PLAT: variants seen among roughly 807,000 people sequenced by gnomAD.
PLAT encodes plasminogen activator, tissue type, also known as tissue-type plasminogen activator.
A neutral mutation model predicts 74.9 loss-of-function variants in PLAT; 48 were observed. That is an observed-to-expected ratio of 0.64 (90% CI 0.51 to 0.82). The LOEUF (loss-of-function observed/expected upper bound fraction) is 0.82, where lower values mean the gene tolerates loss of function less well. PLAT is among the 40% of genes least tolerant of loss of function. The pLI, the probability that PLAT is intolerant of heterozygous loss-of-function variation, is 0.00. For missense variants in PLAT, 673 were observed against 736.2 expected, an observed-to-expected ratio of 0.91 and a Z score of 0.99; for synonymous variants, 307 against 294.4, an observed-to-expected ratio of 1.04 and a Z score of -0.44.
In PLAT at chr8:42,182,706, CT is replaced by C. The variant is rs1178121607; in HGVS notation, c.803+12del. ...CTGCCAAGACCTGAACCCCCCACCC[CT>C]GTGCTACCTACCGGCAGTAATTATG... On this transcript the variant is annotated intron_variant, in intron 8 of 13. Transcript: ENST00000220809. 1 of 1,593,596 alleles carries C rather than the reference CT, an allele frequency of 6.3e-7. No homozygotes were observed. The highest frequency in any genetic ancestry group is 8.6e-7 in the Non-Finnish European group (1 of 1,169,584).
chr8:42,175,511 A>G lies in PLAT; in HGVS notation c.*482T>C, dbSNP rs8178807. 1,565 of 154,078 alleles carry G rather than the reference A, an allele frequency of 0.01. 27 individuals are homozygous for G. Among genetic ancestry groups the G allele is most frequent in the African/African-American group, 0.036 (1,502 of 41,594 alleles). 9.5% of individuals were successfully genotyped at this position (154,078 alleles called of 1,614,324 possible). A position where few individuals can be genotyped will look rare whatever the true frequency, so the allele number is the denominator to read the frequency against. On this transcript the variant is annotated 3_prime_UTR_variant, in exon 14 of 14. Transcript: ENST00000220809. ...GTGCTTTTGAGGAACATGACGGGCC[A>G]GCCAGCCTGCCCCAACTTTGAGGCC...
intron 9 of PLAT, 152 bp from the exon 10 acceptor site, chr8:42,180,837 C>G: frequency 1.7e-6 from 1 of 602,136 alleles, no homozygotes; most frequent in South Asian, 2.3e-5. Context: ...CTCTTTAGTT[C>G]CCACAGCGAT....
intron 1 of PLAT, among the ~76,000 whole-genome samples, chr8:42,201,329 G>A (rs1267183157): frequency 6.6e-6 from 1 of 152,196 alleles, no homozygotes; most frequent in African/African-American, 2.4e-5. Flanking sequence ...TAAGGTAACT[G>A]GAAAAGAAGC....
At position 42,187,240 on chromosome 8, in the gene PLAT, T is replaced by C. The variant is rs542545856; in HGVS notation, c.539+158A>G. 14 of 554,002 alleles carry C rather than the reference T, an allele frequency of 2.5e-5. No homozygotes were observed. The East Asian group carries it at 3.7e-4, about 15-fold the overall frequency. 34.3% of individuals were successfully genotyped at this position (554,002 alleles called of 1,614,324 possible). A position where few individuals can be genotyped will look rare whatever the true frequency, so the allele number is the denominator to read the frequency against. On this transcript the variant is annotated intron_variant, in intron 6 of 13. Coordinates refer to ENST00000220809, the MANE Select transcript of PLAT (RefSeq NM_000930.5). ...TCATCTATCATCTATCAATCTATCA[T>C]CTATCACCTATCATCTATTATCTGT...
intron 7 of PLAT, 24 bp downstream of exon 7, chr8:42,185,057 A>G (rs1563256354): frequency 2.0e-6 from 3 of 1,519,198 alleles, no homozygotes; most frequent in Non-Finnish European, 9.0e-7. Context: ...ACATTCAGGG[A>G]AAGGCGGGGT....
intron 1 of PLAT, among the ~76,000 whole-genome samples, chr8:42,204,713 T>TAAA (rs76761892): frequency 4.9e-5 from 6 of 122,160 alleles, no homozygotes; most frequent in African/African-American, 1.2e-4. Context: ...GACTCCATCT[T>TAAA]AAAAAAAAAA....
chr8:42,188,369 A>C, intron 4 of PLAT: 1 of 207,610 alleles, frequency 4.8e-6, no homozygotes. Context: ...GCAAACCATG[A>C]AGTGTGTACT....
intron 2 of PLAT, among the ~76,000 whole-genome samples, chr8:42,191,899 C>T (rs989030166): frequency 5.3e-5 from 8 of 151,630 alleles, no homozygotes; most frequent in Non-Finnish European, 2.9e-5. Flanking sequence ...TATTGCTAGG[C>T]ATTTTCAGAG....
At chr8:42,190,166 T>C (rs1305392074) in intron 3 of PLAT, among the ~76,000 whole-genome samples, 1 of 152,172 alleles carries the variant, frequency 6.6e-6, no homozygotes, top group Non-Finnish European at 1.5e-5. Context: ...ACTCCTGGGC[T>C]AAAGCCATCC....
rs566707007 is a variant in PLAT at position 42,195,109 on chromosome 8, A to ACCCTCC, written c.-26-1904_-26-1899dup. Among the ~76,000 whole-genome samples, 454 of 130,894 alleles carry ACCCTCC rather than the reference A, an allele frequency of 3.5e-3. 8 individuals carry two copies. Among genetic ancestry groups the ACCCTCC allele is most frequent in the Non-Finnish European group, 8.9e-4 (54 of 60,782 alleles). 85.9% of individuals were successfully genotyped at this position (130,894 alleles called of 152,430 possible). A position where few individuals can be genotyped will look rare whatever the true frequency, so the allele number is the denominator to read the frequency against. ...TTCGGTCACAACAACTTCAGGTCCCACCCTCCCCCTCCCCCTCCCCCGAGC... is the reference window on the plus strand; with the variant it reads ...TTCGGTCACAACAACTTCAGGTCCCACCCTCCCCCTCCCCCTCCCCCTCCCCCGAGC... On this transcript the variant is annotated intron_variant, in intron 1 of 13. Coordinates refer to ENST00000220809, the MANE Select transcript of PLAT (RefSeq NM_000930.5).
rs763934243 is a variant in PLAT, at chr8:42,179,083, A to G, written c.1364-20T>C. ...GAGACACTGAAAGGGGAGAACCATC[A>G]TATGGTTTTAGGGAAAGTTATTTAT... On this transcript the variant is annotated intron_variant, in intron 12 of 13. Transcript: ENST00000220809. The G allele has an allele frequency of 3.8e-6, 6 of 1,586,968 alleles. No homozygotes were observed. In the Middle Eastern group the frequency reaches 6.7e-4, roughly 177 times the overall value.
At chr8:42,179,884 T>C in intron 12 of PLAT, 42 bp downstream of exon 12, 1 of 1,515,886 alleles carries the variant, frequency 6.6e-7, no homozygotes, top group South Asian at 1.3e-5. Context: ...CCTCCCCTGC[T>C]GTCCCGCAGA....
chr8:42,204,723 A>G (rs1169674655), intron 1 of PLAT, among the ~76,000 whole-genome samples: 1 of 151,728 alleles, frequency 6.6e-6, no homozygotes, highest in Non-Finnish European at 1.5e-5. Context: ...TAAAAAAAAA[A>G]AAAAAGAAAA....
At chr8:42,178,206 TCTC>T (rs988404628) in intron 13 of PLAT, among the ~76,000 whole-genome samples, 39 of 152,156 alleles carry the variant, frequency 2.6e-4, no homozygotes, top group African/African-American at 8.7e-4. Flanking sequence ...CTTTCTTCCT[TCTC>T]CTTCTACAAA....
Position 42,182,001 on chromosome 8 carries a change from C to T in PLAT, c.825G>A (p.Lys275=), listed in dbSNP as rs757930095. The change falls in exon 9 of 14, where the codon AAG becomes AAA. Residue 275 remains lysine, a synonymous_variant. Coordinates refer to ENST00000220809, the MANE Select transcript of PLAT (RefSeq NM_000930.5). ...GGTTCTTCAGCACGTGGCACCAGGG[C>T]TTGGCATCCCCATCAGGATTCCTAA... The part of the protein sequence containing the change: ...NYCRNPDGDA[K]PWCHVLKNRR... The T allele has an allele frequency of 1.9e-6, 3 of 1,607,694 alleles. No homozygotes were observed. The highest frequency in any genetic ancestry group is 2.6e-6 in the Non-Finnish European group (3 of 1,174,120).
At position 42,175,095 on chromosome 8, in the gene PLAT, G is replaced by A. The variant is rs1170049377; in HGVS notation, c.*898C>T. 1 of 152,192 alleles carries A rather than the reference G, an allele frequency of 6.6e-6. No homozygotes were observed. The highest frequency in any genetic ancestry group is 1.5e-5 in the Non-Finnish European group (1 of 68,052). The allele number at this position is 152,192 out of a possible 1,614,324, so 9.4% of individuals were successfully genotyped here. The stretch of plus-strand genomic sequence containing the variant: ...CTGTCCCTCCTTTTCCCGGTCTGGA[G>A]CACCTAGCCCATTGCCTTGTATGTT... On this transcript the variant is annotated 3_prime_UTR_variant, in exon 14 of 14. Transcript: ENST00000220809.
At chr8:42,202,513 C>A (rs901454833) in intron 1 of PLAT, among the ~76,000 whole-genome samples, 2 of 152,138 alleles carry the variant, frequency 1.3e-5, no homozygotes, top group Non-Finnish European at 2.9e-5. Context: ...CCCTGCCCCC[C>A]CAGCCCTCAA....
At chr8:42,181,091 C>T (rs980524291) in intron 9 of PLAT, among the ~76,000 whole-genome samples, 1 of 152,210 alleles carries the variant, frequency 6.6e-6, no homozygotes, top group South Asian at 2.1e-4. Context: ...CCTGCCTCCT[C>T]GCAAAGCTTT....
At chr8:42,190,977 G>A (rs978408217) in intron 3 of PLAT, among the ~76,000 whole-genome samples, 2 of 152,192 alleles carry the variant, frequency 1.3e-5, no homozygotes, top group South Asian at 2.1e-4. Context: ...GCCTGGCCTC[G>A]GCTGTGACTG....
Sources: gnomAD v4.1 joint callset for allele counts (sites outside exome capture counted in the v4.1 genomes callset) on GRCh38, gnomAD v4.1.1 for gene constraint, MANE v1.5 for transcripts, NCBI Gene and HGNC (gene_info 2026-07-23, HGNC 2026-07-21) for gene names.